The following PPM1L variants were observed in gnomAD, a reference collection of about 807,000 sequenced individuals.
PPM1L encodes the protein protein phosphatase, Mg2+/Mn2+ dependent 1L, also known as protein phosphatase 1L.
In PPM1L, 13 loss-of-function variants were observed where a neutral mutation model predicts 31.4. The observed-to-expected ratio is 0.41, with a 90% CI of 0.27 to 0.66. PPM1L has a LOEUF of 0.66. PPM1L is among the 30% of genes least tolerant of loss of function. The pLI is 0.29. For missense variants in PPM1L, 326 were observed against 453.7 expected, an observed-to-expected ratio of 0.72 and a Z score of 2.56; for synonymous variants, 184 against 175.4, an observed-to-expected ratio of 1.05 and a Z score of -0.39.
intron 2 of PPM1L, among the ~76,000 whole-genome samples, chr3:161,003,532 T>A (rs1435490357): frequency 6.6e-6 from 1 of 151,548 alleles, no homozygotes; most frequent in Non-Finnish European, 1.5e-5. Context: ...TGGTTTGTAG[T>A]TCTCCTTGAA....
chr3:160,774,895 G>A (rs1200557068), intron 1 of PPM1L, among the ~76,000 whole-genome samples: 1 of 152,102 alleles, frequency 6.6e-6, no homozygotes, highest in Non-Finnish European at 1.5e-5. Flanking sequence ...CCTTTCTTGA[G>A]TTTCACATCT....
At chr3:160,975,685 A>G (rs1219025685) in intron 2 of PPM1L, among the ~76,000 whole-genome samples, 1 of 152,066 alleles carries the variant, frequency 6.6e-6, no homozygotes, top group Admixed American at 6.6e-5. Flanking sequence ...GTCTGTTGTT[A>G]GTGTATAAGA....
chr3:160,889,230 A>G (rs1713043275), intron 1 of PPM1L, among the ~76,000 whole-genome samples: 1 of 152,158 alleles, frequency 6.6e-6, no homozygotes, highest in African/African-American at 2.4e-5. Context: ...GTTTTTTGAA[A>G]AAATTAATAA....
intron 1 of PPM1L, among the ~76,000 whole-genome samples, chr3:160,944,596 T>C (rs1715261681): frequency 6.7e-6 from 1 of 148,430 alleles, no homozygotes; most frequent in Non-Finnish European, 1.5e-5. Context: ...ATCAGAGCTA[T>C]TTCAAGGTGA....
intron 2 of PPM1L, among the ~76,000 whole-genome samples, chr3:161,064,707 C>T (rs1213483899): frequency 6.6e-6 from 1 of 152,136 alleles, no homozygotes; most frequent in Non-Finnish European, 1.5e-5. Context: ...CAGAGCTTGT[C>T]CTTTGTGTCT....
chr3:161,026,483 G>A (rs1043543639), intron 2 of PPM1L, among the ~76,000 whole-genome samples: 2 of 152,082 alleles, frequency 1.3e-5, no homozygotes, highest in Admixed American at 6.6e-5. Flanking sequence ...ATCACCTGAG[G>A]TCAAGAGCTC....
At chr3:160,955,313 CT>C (rs1453842561) in intron 1 of PPM1L, among the ~76,000 whole-genome samples, 2 of 151,820 alleles carry the variant, frequency 1.3e-5, no homozygotes, top group African/African-American at 4.8e-5. Flanking sequence ...GCCCAGCCTT[CT>C]TTTTTAAATT....
At chr3:160,878,413 T>C (rs1211076426) in intron 1 of PPM1L, among the ~76,000 whole-genome samples, 1 of 152,206 alleles carries the variant, frequency 6.6e-6, no homozygotes, top group Non-Finnish European at 1.5e-5. Context: ...ATTTAGTTCC[T>C]GCTAAGGGCC....
intron 2 of PPM1L, among the ~76,000 whole-genome samples, chr3:161,016,847 C>T (rs1718101967): frequency 6.6e-6 from 1 of 152,134 alleles, no homozygotes; most frequent in Non-Finnish European, 1.5e-5. Flanking sequence ...GAGAGATTAA[C>T]CAGTGAATAA....
chr3:160,870,873 A>C (rs1214196878), intron 1 of PPM1L, among the ~76,000 whole-genome samples: 1 of 152,210 alleles, frequency 6.6e-6, no homozygotes, highest in African/African-American at 2.4e-5. Context: ...ATGCAATAAT[A>C]ATAATAAAAG....
chr3:160,758,046 T>C (rs915463405), intron 1 of PPM1L, among the ~76,000 whole-genome samples: 4 of 152,240 alleles, frequency 2.6e-5, no homozygotes, highest in African/African-American at 9.6e-5. Context: ...ACAAACTTAG[T>C]AGAAAAACTC....
intron 1 of PPM1L, among the ~76,000 whole-genome samples, chr3:160,941,468 A>G (rs1262736214): frequency 6.6e-6 from 1 of 152,154 alleles, no homozygotes; most frequent in Non-Finnish European, 1.5e-5. Context: ...TAATTGAATC[A>G]TGGGGGCCAG....
chr3:160,950,908 G>A (rs913088417), intron 1 of PPM1L, among the ~76,000 whole-genome samples: 1 of 152,226 alleles, frequency 6.6e-6, no homozygotes, highest in Non-Finnish European at 1.5e-5. Context: ...ACTAATGGAA[G>A]TTAATATTTC....
chr3:160,910,200 TCCC>T (rs1713907485), intron 1 of PPM1L, among the ~76,000 whole-genome samples: 1 of 118,828 alleles, frequency 8.4e-6, no homozygotes, highest in Non-Finnish European at 1.7e-5. Flanking sequence ...CCCTTCCCCT[TCCC>T]TGTCCCTTTC....
intron 1 of PPM1L, among the ~76,000 whole-genome samples, chr3:160,837,368 A>G (rs1713751428): frequency 1.3e-5 from 2 of 152,332 alleles, no homozygotes; most frequent in African/African-American, 4.8e-5. Context: ...CATGTGGGTA[A>G]TAAATTAGAA....
intron 1 of PPM1L, among the ~76,000 whole-genome samples, chr3:160,915,139 G>C (rs1160331437): frequency 2.0e-5 from 3 of 152,148 alleles, no homozygotes; most frequent in African/African-American, 7.2e-5. Context: ...CAGGTGATAT[G>C]ATTGTATATC....
At chr3:161,011,779 A>T (rs1043497548) in intron 2 of PPM1L, among the ~76,000 whole-genome samples, 1 of 152,118 alleles carries the variant, frequency 6.6e-6, no homozygotes, top group Non-Finnish European at 1.5e-5. Context: ...CTTTGATGCA[A>T]TTGTGAATGG....
chr3:160,813,886 A>G (rs1001995279), intron 1 of PPM1L, among the ~76,000 whole-genome samples: 5 of 152,200 alleles, frequency 3.3e-5, no homozygotes, highest in Non-Finnish European at 2.9e-5. Flanking sequence ...TTTTACATCT[A>G]CTTTATTCTA....
intron 2 of PPM1L, among the ~76,000 whole-genome samples, chr3:160,967,441 A>G (rs1228223086): frequency 6.6e-6 from 1 of 151,944 alleles, no homozygotes; most frequent in African/African-American, 2.4e-5. Flanking sequence ...TATGGTGTCT[A>G]TAAGGGCCTG....
Sources: allele counts gnomAD v4.1 joint callset (sites outside exome capture counted in the v4.1 genomes callset), GRCh38; gene constraint gnomAD v4.1.1; transcripts MANE v1.5; gene names NCBI Gene and HGNC (gene_info 2026-07-23, HGNC 2026-07-21).